HADHA: variants seen among roughly 807,000 people sequenced by gnomAD.
HADHA encodes trifunctional enzyme subunit alpha, mitochondrial.
Under a neutral mutation model 91.3 loss-of-function variants are expected in HADHA, and 59 were observed. The observed-to-expected ratio is 0.65, with a 90% CI of 0.52 to 0.80. HADHA has a LOEUF of 0.80. Among genes scored for constraint, HADHA ranks in the 30% least tolerant of loss-of-function variants. The pLI is 0.00. For missense variants in HADHA, 800 were observed against 927.6 expected, an observed-to-expected ratio of 0.86 and a Z score of 1.79; for synonymous variants, 320 against 338.9, an observed-to-expected ratio of 0.94 and a Z score of 0.61.
chr2:26,218,832 AC>A (rs1670299957), intron 7 of HADHA, among the ~76,000 whole-genome samples: 1 of 151,508 alleles, frequency 6.6e-6, no homozygotes, highest in African/African-American at 2.4e-5. Context: ...AGATAGTGAA[AC>A]CCCATCTCTA....
In HADHA at chr2:26,221,246, T is replaced by C. The variant is rs541339073; in HGVS notation, c.677-6071A>G. ...TTTGGGCCACGTGATTCAAACCTGATGGCGCCTGAAGTGTCGGCAGCAGAC... is the reference window on the plus strand; with the variant it reads ...TTTGGGCCACGTGATTCAAACCTGACGGCGCCTGAAGTGTCGGCAGCAGAC... On this transcript the variant is annotated intron_variant, in intron 7 of 19. Coordinates refer to ENST00000380649, the MANE Select transcript of HADHA (RefSeq NM_000182.5). This position sits in a 1 kb window ranked among gnomAD's most constrained non-coding sequence, Gnocchi z 4.8. Among the ~76,000 whole-genome samples the C allele has an allele frequency of 7.4e-4, 112 of 152,288 alleles. No homozygotes were observed. Among genetic ancestry groups the C allele is most frequent in the Non-Finnish European group, 1.4e-3 (96 of 68,016 alleles).
rs1670384679 is a variant in HADHA at position 26,221,961 on chromosome 2, G to T, written c.677-6786C>A. 6.6e-6 allele frequency among the ~76,000 whole-genome samples: 1 copy of T among 152,192 alleles called. No individual in the cohort carries two copies. The highest frequency in any genetic ancestry group is 2.4e-5 in the African/African-American group (1 of 41,448). On this transcript the variant is annotated intron_variant, in intron 7 of 19. Coordinates refer to ENST00000380649, the MANE Select transcript of HADHA (RefSeq NM_000182.5). The surrounding 1 kb of genome is among the most constrained non-coding windows in gnomAD (Gnocchi z 4.8). ...GCCTGGGTGGTAAGGAACTTACAGG[G>T]AACACAGATGAAAAACTGTTGGCAA...
In HADHA at chr2:26,210,032, G is replaced by A; in HGVS notation, c.976-143C>T. 1 of 698,582 alleles carries A rather than the reference G, an allele frequency of 1.4e-6. No individual in the cohort carries two copies. Among genetic ancestry groups the A allele is most frequent in the Non-Finnish European group, 2.6e-6 (1 of 382,948 alleles). The allele number at this position is 698,582 out of a possible 1,614,324, so 43.3% of individuals were successfully genotyped here. On this transcript the variant is annotated intron_variant, in intron 10 of 19. Transcript: ENST00000380649. This position sits in a 1 kb window ranked among gnomAD's most constrained non-coding sequence, Gnocchi z 4.0. ...GGATGCGGGGGAGTTTGGGGGTTCA[G>A]TGCTGCAGAAGTCTGTCTCTCACTG...
intron 16 of HADHA, among the ~76,000 whole-genome samples, chr2:26,194,048 T>G (rs1389717320): frequency 6.6e-6 from 1 of 152,150 alleles, no homozygotes; most frequent in Non-Finnish European, 1.5e-5. Flanking sequence ...TGAATCTCAA[T>G]AATAAGGAGA....
chr2:26,228,693 A>C (rs1236755663), intron 7 of HADHA, among the ~76,000 whole-genome samples: 1 of 152,110 alleles, frequency 6.6e-6, no homozygotes, highest in Non-Finnish European at 1.5e-5. Context: ...TGTTTAAAAG[A>C]TGGCATCTCA....
intron 7 of HADHA, among the ~76,000 whole-genome samples, chr2:26,222,693 T>A (rs550617299): frequency 6.6e-6 from 1 of 152,224 alleles, no homozygotes; most frequent in South Asian, 2.1e-4. Flanking sequence ...CCTTATGGTA[T>A]CCCACACCAT....
intron 11 of HADHA, among the ~76,000 whole-genome samples, chr2:26,209,177 T>C (rs1456029841): frequency 6.6e-6 from 1 of 152,084 alleles, no homozygotes; most frequent in Non-Finnish European, 1.5e-5. Context: ...CCAAAAATGT[T>C]CCCAGGCATT....
At chr2:26,242,986 C>T (rs1473528371) in intron 1 of HADHA, among the ~76,000 whole-genome samples, 2 of 152,180 alleles carry the variant, frequency 1.3e-5, no homozygotes, top group African/African-American at 4.8e-5. Context: ...CTCCCGACCT[C>T]GTGATCCGCC....
At chr2:26,212,805 T>G (rs1285055181) in intron 9 of HADHA, among the ~76,000 whole-genome samples, 179 bp from the exon 10 acceptor site, 1 of 152,228 alleles carries the variant, frequency 6.6e-6, no homozygotes, top group Non-Finnish European at 1.5e-5. Flanking sequence ...ATTCTCCATC[T>G]TTGAGGCTAC....
chr2:26,240,436 G>A (rs553438821), intron 1 of HADHA, among the ~76,000 whole-genome samples: 3 of 152,084 alleles, frequency 2.0e-5, no homozygotes, highest in Admixed American at 6.5e-5. Flanking sequence ...AATAGGCCTG[G>A]CATAGAAAAA....
At chr2:26,193,892 C>T in intron 16 of HADHA, 120 bp from the exon 17 acceptor site, 1 of 778,140 alleles carries the variant, frequency 1.3e-6, no homozygotes, top group South Asian at 1.5e-5. Context: ...GTCACCTGAC[C>T]AGGCCCAGGA....
At chr2:26,201,350 GAAGAA>G in intron 12 of HADHA, 30 bp from the exon 13 acceptor site, 1 of 1,493,378 alleles carries the variant, frequency 6.7e-7, no homozygotes, top group Non-Finnish European at 9.3e-7. Flanking sequence ...AGTTAGATGG[GAAGAA>G]AAGGAAACTA....
chr2:26,244,438 G>A lies in HADHA; in HGVS notation c.67+92C>T, dbSNP rs1405962239. The A allele has an allele frequency of 4.7e-6, 6 of 1,288,044 alleles. No individual in the cohort carries two copies. In the African/African-American group the frequency reaches 8.8e-5, roughly 19 times the overall value. The allele number at this position is 1,288,044 out of a possible 1,614,324, so 79.8% of individuals were successfully genotyped here. On this transcript the variant is annotated intron_variant, in intron 1 of 19. Transcript: ENST00000380649. ...GGGCTGCGTCTCCGGGCTGGGGCAG[G>A]CGGCAGCGAAAGGGAGACGCGGCTC...
intron 1 of HADHA, among the ~76,000 whole-genome samples, chr2:26,243,768 AACCACC>A (rs1256216132): frequency 1.3e-5 from 2 of 152,244 alleles, no homozygotes; most frequent in Non-Finnish European, 2.9e-5. Context: ...CGTTTCCTAC[AACCACC>A]CACTTTAACC....
intron 7 of HADHA, among the ~76,000 whole-genome samples, chr2:26,216,798 G>A (rs1197457204): frequency 6.6e-6 from 1 of 152,204 alleles, no homozygotes; most frequent in Non-Finnish European, 1.5e-5. Flanking sequence ...CACAACAGGA[G>A]AGCTCCAGAG....
chr2:26,190,984 T>C lies in HADHA; in HGVS notation c.*266A>G, dbSNP rs553328608. The C allele has an allele frequency of 1.4e-5, 8 of 556,734 alleles. No homozygotes were observed. The highest frequency in any genetic ancestry group is 2.6e-5 in the Non-Finnish European group (8 of 309,728). 34.5% of individuals were successfully genotyped at this position (556,734 alleles called of 1,614,324 possible). ...GAACAGGCAGAGAGGTGGCTTCAGA[T>C]GGCTCTTGGCTGCCACTCTAGGCCT... On this transcript the variant is annotated 3_prime_UTR_variant, in exon 20 of 20. Coordinates refer to ENST00000380649, the MANE Select transcript of HADHA (RefSeq NM_000182.5).
chr2:26,197,950 G>A (rs1334277976), intron 13 of HADHA, among the ~76,000 whole-genome samples, 173 bp from the exon 14 acceptor site: 1 of 152,116 alleles, frequency 6.6e-6, no homozygotes, highest in Non-Finnish European at 1.5e-5. Context: ...GTTTTGTGTC[G>A]GGGAATATGT....
chr2:26,201,345 G>C, intron 12 of HADHA, 25 bp from the exon 13 acceptor site: 1 of 1,535,924 alleles, frequency 6.5e-7, no homozygotes, highest in Non-Finnish European at 9.0e-7. Flanking sequence ...TTCCTAGTTA[G>C]ATGGGAAGAA....
intron 1 of HADHA, among the ~76,000 whole-genome samples, chr2:26,242,813 G>T (rs13412462): frequency 6.6e-6 from 1 of 152,186 alleles, no homozygotes; most frequent in Non-Finnish European, 1.5e-5. Flanking sequence ...GTGCTGTGGC[G>T]CGATCTCGGC....
Sources: allele counts gnomAD v4.1 joint callset (sites outside exome capture counted in the v4.1 genomes callset), GRCh38; gene constraint gnomAD v4.1.1; non-coding constraint Gnocchi (gnomAD v3.1); transcripts MANE v1.5; gene names NCBI Gene and HGNC (gene_info 2026-07-23, HGNC 2026-07-21).